Variants in MRI1 observed in about 807,000 individuals in gnomAD.
MRI1 encodes the protein methylthioribose-1-phosphate isomerase.
A neutral mutation model predicts 27.3 loss-of-function variants in MRI1; 32 were observed. The ratio of observed to expected loss-of-function variants is 1.17; its 90% CI spans 0.88 to 1.57. The LOEUF (loss-of-function observed/expected upper bound fraction) is 1.57. MRI1 is among the 40% of genes most tolerant of loss of function. The pLI is 0.00. For synonymous variants in MRI1, 216 were observed against 227.4 expected, an observed-to-expected ratio of 0.95 and a Z score of 0.45; for missense variants, 508 against 516.1, an observed-to-expected ratio of 0.98 and a Z score of 0.15.
chr19:13,767,848 TTTTC>T (rs1299367505), intron 3 of MRI1, among the ~76,000 whole-genome samples: 1 of 146,698 alleles, frequency 6.8e-6, no homozygotes, highest in African/African-American at 2.6e-5. Flanking sequence ...TTTTCAAGTA[TTTTC>T]TTTCTTTCCT....
chr19:13,766,169 G>T, intron 3 of MRI1, 40 bp downstream of exon 3: 1 of 1,478,736 alleles, frequency 6.8e-7, no homozygotes. Flanking sequence ...GGGCCTTCTA[G>T]GAACTTTTTT....
At chr19:13,768,429 C>T (rs1974189311) in intron 3 of MRI1, 132 bp from the exon 4 acceptor site, 1 of 1,553,978 alleles carries the variant, frequency 6.4e-7, no homozygotes, top group Non-Finnish European at 8.7e-7. Flanking sequence ...GCGAGGGCCC[C>T]TGGGCGGGAC....
At chr19:13,771,691 G>A (rs554134770) in intron 5 of MRI1, among the ~76,000 whole-genome samples, 78 of 151,920 alleles carry the variant, frequency 5.1e-4, no homozygotes, top group African/African-American at 1.8e-3. Context: ...GAAAAACCTC[G>A]TCTCTACTAA....
At position 13,764,874 on chromosome 19, in the gene MRI1, C is replaced by T. The variant is rs1199587467; in HGVS notation, c.136C>T (p.Arg46Trp). The change falls in exon 2 of 6, where the codon CGG becomes TGG. Residue 46 changes from arginine (R) to tryptophan (W), a missense_variant. Physicochemically the swap from Arg to Trp is moderately radical, Grantham distance 101. This residue lies in a region of MRI1 where 19 missense variants were observed against 43.0 expected (regional missense o/e 0.44). Coordinates refer to ENST00000040663, the MANE Select transcript of MRI1 (RefSeq NM_001031727.4). Reference sequence around the variant, plus strand: ...CGCCCAAATCCCTGCCCCGCAGGTGCGGGGCGCCCCGGCCATAGCCCTGGT... The same window carrying T: ...CGCCCAAATCCCTGCCCCGCAGGTGTGGGGCGCCCCGGCCATAGCCCTGGT... ...AWEAIRAMKV[R>W]GAPAIALVGC... 1.5e-6 allele frequency: 2 copies of T among 1,351,928 alleles called. 1 individual carries two copies. Among genetic ancestry groups the T allele is most frequent in the Admixed American group, 7.4e-5 (2 of 27,182 alleles). 83.7% of individuals were successfully genotyped at this position (1,351,928 alleles called of 1,614,324 possible). A position where few individuals can be genotyped will look rare whatever the true frequency, so the allele number is the denominator to read the frequency against.
Position 13,773,885 on chromosome 19 carries a change from G to A in MRI1, c.*1604G>A, listed in dbSNP as rs1344511551. On this transcript the variant is annotated 3_prime_UTR_variant, in exon 6 of 6. Coordinates refer to ENST00000040663, the MANE Select transcript of MRI1 (RefSeq NM_001031727.4). ...TGGCTGGTCTCCAACTCCTGACCTC[G>A]GGTGATCCGCGCCCCGCGGCCTCCG... 6.6e-6 allele frequency: 1 copy of A among 152,352 alleles called. No individual in the cohort carries two copies. The highest frequency in any genetic ancestry group is 1.5e-5 in the Non-Finnish European group (1 of 68,098). 9.4% of individuals were successfully genotyped at this position (152,352 alleles called of 1,614,324 possible).
intron 3 of MRI1, among the ~76,000 whole-genome samples, chr19:13,767,845 G>C (rs1453305445): frequency 9.0e-6 from 1 of 111,134 alleles, no homozygotes; most frequent in Non-Finnish European, 1.9e-5. Flanking sequence ...TTCTTTTCAA[G>C]TATTTTCTTT....
At position 13,769,388 on chromosome 19, in the gene MRI1, T is replaced by C. The variant is rs370323911; in HGVS notation, c.949+340T>C. 1.2e-3 allele frequency among the ~76,000 whole-genome samples: 189 copies of C among 152,112 alleles called. 1 individual carries two copies. Among genetic ancestry groups the C allele is most frequent in the African/African-American group, 4.3e-3 (180 of 41,530 alleles). On this transcript the variant is annotated intron_variant, in intron 5 of 5. Transcript: ENST00000040663. ...CATGTGGACCAGGCTATTTATTAAC[T>C]ACTGACCTCAAGCAATCAGCCTGCC... is the stretch of plus-strand genomic sequence containing the variant.
Position 13,764,532 on chromosome 19 carries a change from C to G in MRI1, c.-57C>G, listed in dbSNP as rs983653920. 3.1e-5 allele frequency: 49 copies of G among 1,586,512 alleles called. 1 individual carries two copies. The highest frequency in any genetic ancestry group is 1.7e-5 in the Admixed American group (1 of 59,160). ...TCCGCCCACGGCCCCGCCCCGCTCCCAAGTGCGCGCGGACCCCTAGCTCCC... is the reference window on the plus strand; with the variant it reads ...TCCGCCCACGGCCCCGCCCCGCTCCGAAGTGCGCGCGGACCCCTAGCTCCC... On this transcript the variant is annotated 5_prime_UTR_variant, in exon 1 of 6. Transcript: ENST00000040663.
chr19:13,769,692 C>CAG, intron 5 of MRI1, among the ~76,000 whole-genome samples: 1 of 151,748 alleles, frequency 6.6e-6, no homozygotes, highest in Non-Finnish European at 1.5e-5. Context: ...GAGGCCGAGG[C>CAG]GGGCAGATCA....
chr19:13,770,834 G>C (rs1211755672), intron 5 of MRI1, among the ~76,000 whole-genome samples: 1 of 152,008 alleles, frequency 6.6e-6, no homozygotes, highest in Middle Eastern at 3.2e-3. Flanking sequence ...AATGAGCCAA[G>C]ATAGCGCCAC....
At chr19:13,766,465 C>T (rs2145192711) in intron 3 of MRI1, among the ~76,000 whole-genome samples, 1 of 152,294 alleles carries the variant, frequency 6.6e-6, no homozygotes, top group South Asian at 2.1e-4. Context: ...ACTAGGGCAC[C>T]TGCCCATCCC....
intron 3 of MRI1, among the ~76,000 whole-genome samples, chr19:13,767,008 CATATATATATATATATAT>C (rs1250741648): frequency 2.0e-5 from 1 of 49,568 alleles, no homozygotes; most frequent in African/African-American, 6.7e-5. Flanking sequence ...TGCACATCCA[CATATATATATATATATAT>C]ATATATATAT....
At chr19:13,766,748 A>T (rs937426707) in intron 3 of MRI1, among the ~76,000 whole-genome samples, 1 of 151,930 alleles carries the variant, frequency 6.6e-6, no homozygotes, top group African/African-American at 2.4e-5. Context: ...TCATTCACTC[A>T]CCCAGCATTT....
rs1281512705 is a variant in MRI1 at position 13,767,832 on chromosome 19, C to T, written c.548-729C>T. ...GCAACCTCTGCCTCCTGGGTTCCAG[C>T]GATTCTTTTCAAGTATTTTCTTTCT... On this transcript the variant is annotated intron_variant, in intron 3 of 5. Transcript: ENST00000040663. Among the ~76,000 whole-genome samples the T allele has an allele frequency of 2.2e-5, 3 of 136,776 alleles. No individual in the cohort carries two copies. The East Asian group carries it at 6.6e-4, about 30-fold the overall frequency. The allele number at this position is 136,776 out of a possible 152,430, so 89.7% of individuals were successfully genotyped here. A position where few individuals can be genotyped will look rare whatever the true frequency, so the allele number is the denominator to read the frequency against.
intron 5 of MRI1, among the ~76,000 whole-genome samples, chr19:13,770,622 G>T (rs1451846351): frequency 1.3e-5 from 2 of 151,934 alleles, no homozygotes; most frequent in African/African-American, 4.8e-5. Flanking sequence ...TGTGGCTCAC[G>T]CCTGTAATCC....
chr19:13,768,436 G>A, intron 3 of MRI1, 125 bp from the exon 4 acceptor site: 1 of 1,556,610 alleles, frequency 6.4e-7, no homozygotes, highest in Non-Finnish European at 8.7e-7. Context: ...CCCCTGGGCG[G>A]GACTGTGCTC....
chr19:13,765,196 A>G (rs757698158), intron 2 of MRI1, 87 bp downstream of exon 2: 5 of 1,130,380 alleles, frequency 4.4e-6, no homozygotes, highest in South Asian at 1.9e-5. Context: ...CAGATGGGGA[A>G]ACTGAGGCAC....
At position 13,772,495 on chromosome 19, in the gene MRI1, T is replaced by C; in HGVS notation, c.*214T>C. On this transcript the variant is annotated 3_prime_UTR_variant, in exon 6 of 6. Coordinates refer to ENST00000040663, the MANE Select transcript of MRI1 (RefSeq NM_001031727.4). Reference sequence around the variant, plus strand: ...TTCCCACTGTATGATCTTGGGCAAGTCACTTCACCTCTCTGTGCCTTGGTT... The same window carrying C: ...TTCCCACTGTATGATCTTGGGCAAGCCACTTCACCTCTCTGTGCCTTGGTT... The C allele has an allele frequency of 2.1e-6, 1 of 475,134 alleles. No homozygotes were observed. Among genetic ancestry groups the C allele is most frequent in the South Asian group, 3.3e-5 (1 of 30,266 alleles). The allele number at this position is 475,134 out of a possible 1,614,324, so 29.4% of individuals were successfully genotyped here.
At chr19:13,767,968 A>AC (rs967775124) in intron 3 of MRI1, among the ~76,000 whole-genome samples, 1 of 140,674 alleles carries the variant, frequency 7.1e-6, no homozygotes, top group African/African-American at 2.7e-5. Flanking sequence ...TCCCAGGTTC[A>AC]CGCCATTCTC....
Sources: gnomAD v4.1 joint callset for allele counts (sites outside exome capture counted in the v4.1 genomes callset) on GRCh38, gnomAD v4.1.1 for gene constraint, gnomAD v4.1.1 regional missense constraint, MANE v1.5 for transcripts, NCBI Gene and HGNC (gene_info 2026-07-23, HGNC 2026-07-21) for gene names.